FOCAD: variants seen among roughly 807,000 people sequenced by gnomAD.
FOCAD encodes focadhesin.
In FOCAD, 198 loss-of-function variants were observed where a neutral mutation model predicts 225.6. The ratio of observed to expected loss-of-function variants is 0.88; its 90% CI spans 0.78 to 0.99. The LOEUF (loss-of-function observed/expected upper bound fraction) is 0.99. Among genes scored for constraint, FOCAD ranks in the 50% least tolerant of loss-of-function variants. The probability of loss-of-function intolerance (pLI) is 0.00; values close to 1 mark genes in which losing one functional copy is unlikely to be tolerated. For synonymous variants in FOCAD, 897 were observed against 755.0 expected, an observed-to-expected ratio of 1.19 and a Z score of -3.08; for missense variants, 2,713 against 2,123.6, an observed-to-expected ratio of 1.28 and a Z score of -5.46.
intron 41 of FOCAD, among the ~76,000 whole-genome samples, chr9:20,988,864 C>A (rs1381219956): frequency 6.6e-6 from 1 of 152,100 alleles, no homozygotes; most frequent in Non-Finnish European, 1.5e-5. Flanking sequence ...CTAAAAATGC[C>A]TGCTTTGAAG....
intron 15 of FOCAD, among the ~76,000 whole-genome samples, chr9:20,839,901 A>G (rs1209505608): frequency 4.2e-4 from 64 of 152,056 alleles, no homozygotes. Flanking sequence ...TCTCAGCACT[A>G]TTTATTGAGG....
At chr9:20,918,776 C>G (rs1834100573) in intron 24 of FOCAD, among the ~76,000 whole-genome samples, 1 of 151,448 alleles carries the variant, frequency 6.6e-6, no homozygotes, top group Admixed American at 6.6e-5. Flanking sequence ...TTTAATAAAG[C>G]AATCTTGACA....
intron 4 of FOCAD, among the ~76,000 whole-genome samples, chr9:20,734,662 T>C (rs7026949): frequency 0.25 from 37,642 of 151,842 alleles, 4,839 homozygotes; most frequent in South Asian, 0.35. Context: ...TTTTTTCTTT[T>C]TTGAGGTGAT....
chr9:20,669,778 AAAAAAG>A (rs914819822), intron 2 of FOCAD, among the ~76,000 whole-genome samples: 2 of 152,178 alleles, frequency 1.3e-5, no homozygotes, highest in African/African-American at 4.8e-5. Context: ...TCATCTCAAA[AAAAAAG>A]AAAAAGAAAA....
chr9:20,782,542 G>A (rs922381645), intron 10 of FOCAD, among the ~76,000 whole-genome samples: 1 of 152,176 alleles, frequency 6.6e-6, no homozygotes, highest in African/African-American at 2.4e-5. Flanking sequence ...TAACGTGAAA[G>A]TGTTGTCATG....
At chr9:20,788,243 T>C (rs143103485) in intron 10 of FOCAD, among the ~76,000 whole-genome samples, 58 of 152,310 alleles carry the variant, frequency 3.8e-4, no homozygotes, top group African/African-American at 1.3e-3. Flanking sequence ...TTTCCTATTA[T>C]ATGAAATGAC....
chr9:20,710,228 G>A (rs1047681565), intron 1 of FOCAD, among the ~76,000 whole-genome samples: 2 of 100,940 alleles, frequency 2.0e-5, no homozygotes, highest in Non-Finnish European at 4.5e-5. Context: ...CAGTAGCTGA[G>A]ATTTTTTTTT....
chr9:20,699,049 G>T (rs2131388563), intron 1 of FOCAD, among the ~76,000 whole-genome samples: 1 of 152,290 alleles, frequency 6.6e-6, no homozygotes, highest in South Asian at 2.1e-4. Context: ...CAGACTTTCA[G>T]CTTCATGGTG....
chr9:20,689,097 G>C (rs1822829581), intron 1 of FOCAD, among the ~76,000 whole-genome samples: 1 of 152,178 alleles, frequency 6.6e-6, no homozygotes, highest in African/African-American at 2.4e-5. Context: ...TGGTTCAAAG[G>C]ATTAAAAGTC....
chr9:20,979,137 A>G (rs1587771734), intron 37 of FOCAD, among the ~76,000 whole-genome samples: 1 of 152,254 alleles, frequency 6.6e-6, no homozygotes, highest in Non-Finnish European at 1.5e-5. Context: ...ATTAGGTTTC[A>G]AACTAGAACA....
intron 18 of FOCAD, among the ~76,000 whole-genome samples, chr9:20,870,469 G>C (rs1278439399): frequency 1.3e-5 from 2 of 152,158 alleles, no homozygotes; most frequent in Admixed American, 6.5e-5. Context: ...CAGTACAGAT[G>C]GTCCCCAACT....
rs1827280095 is a variant in FOCAD, at chr9:20,737,892, G to C, written c.288-2344G>C. Among the ~76,000 whole-genome samples the C allele has an allele frequency of 2.0e-5, 3 of 152,152 alleles. No homozygotes were observed. The South Asian group carries it at 6.2e-4, about 32-fold the overall frequency. ...GAACTCTACCCTGTGACTTAGTCGA[G>C]ACATTTATACCTAGGTATAGGTTCT... is the stretch of plus-strand genomic sequence containing the variant. On this transcript the variant is annotated intron_variant, in intron 4 of 43. Transcript: ENST00000338382.
chr9:20,690,148 C>T (rs1453681485), intron 1 of FOCAD, among the ~76,000 whole-genome samples: 2 of 152,188 alleles, frequency 1.3e-5, no homozygotes, highest in Non-Finnish European at 2.9e-5. Flanking sequence ...GGCATACCTG[C>T]ATTTACCTAA....
intron 21 of FOCAD, among the ~76,000 whole-genome samples, chr9:20,894,190 A>G (rs1469121034): frequency 2.0e-5 from 3 of 152,032 alleles, no homozygotes; most frequent in Non-Finnish European, 2.9e-5. Flanking sequence ...TTCTGCATGT[A>G]TTTTCGTTGC....
In FOCAD at chr9:20,825,404, T is replaced by G. The variant is rs1442223520; in HGVS notation, c.1920+2289T>G. On this transcript the variant is annotated intron_variant, in intron 15 of 43. Coordinates refer to ENST00000338382, the MANE Select transcript of FOCAD (RefSeq NM_001375567.1). ...GTGTGAAGCGTGATGTAGTCAAGGT[T>G]TCAAGAAGGAAAACATTCAGCATAG... Among the ~76,000 whole-genome samples the G allele has an allele frequency of 2.6e-5, 4 of 152,110 alleles. No homozygotes were observed. In the East Asian group the frequency reaches 7.7e-4, roughly 29 times the overall value.
rs143206036 is a variant in FOCAD at position 20,727,253 on chromosome 9, C to T, written c.287+6719C>T. Among the ~76,000 whole-genome samples, 537 of 152,186 alleles carry T rather than the reference C, an allele frequency of 3.5e-3. 5 individuals are homozygous for T. Among genetic ancestry groups the T allele is most frequent in the African/African-American group, 0.013 (521 of 41,528 alleles). ...TTCCTAATCAGAAAAGTGGTTCCAG[C>T]CACTTTTCTGATCTAGCACATTCTG... On this transcript the variant is annotated intron_variant, in intron 4 of 43. Coordinates refer to ENST00000338382, the MANE Select transcript of FOCAD (RefSeq NM_001375567.1).
intron 21 of FOCAD, among the ~76,000 whole-genome samples, chr9:20,887,133 G>T (rs1831163842): frequency 6.6e-6 from 1 of 152,038 alleles, no homozygotes; most frequent in African/African-American, 2.4e-5. Context: ...ATCAATTTGG[G>T]ATTTTTCCAG....
At chr9:20,940,777 G>A (rs1231511096) in intron 28 of FOCAD, among the ~76,000 whole-genome samples, 2 of 152,182 alleles carry the variant, frequency 1.3e-5, no homozygotes, top group Non-Finnish European at 2.9e-5. Flanking sequence ...TTGTTTCAGG[G>A]TCATATGCTT....
chr9:20,710,229 A>ATTT (rs749860355), intron 1 of FOCAD, among the ~76,000 whole-genome samples: 2,506 of 102,108 alleles, frequency 0.025, 135 homozygotes, highest in South Asian at 0.044. Context: ...AGTAGCTGAG[A>ATTT]TTTTTTTTTT....
Sources: gnomAD v4.1 joint callset for allele counts (sites outside exome capture counted in the v4.1 genomes callset) on GRCh38, gnomAD v4.1.1 for gene constraint, MANE v1.5 for transcripts, NCBI Gene and HGNC (gene_info 2026-07-23, HGNC 2026-07-21) for gene names.